SFPQ: variants seen among roughly 807,000 people sequenced by gnomAD.
SFPQ encodes splicing factor, proline- and glutamine-rich.
A neutral mutation model predicts 72.9 loss-of-function variants in SFPQ; 11 were observed. The observed-to-expected ratio is 0.15, with a 90% CI of 0.09 to 0.25. The LOEUF (loss-of-function observed/expected upper bound fraction) is 0.25, where lower values mean the gene tolerates loss of function less well. Ranked by LOEUF, SFPQ falls within the 10% of genes least tolerant of loss-of-function variation. The pLI is 1.00. For synonymous variants in SFPQ, 506 were observed against 367.3 expected, an observed-to-expected ratio of 1.38 and a Z score of -4.32; for missense variants, 847 against 993.3, an observed-to-expected ratio of 0.85 and a Z score of 1.98.
chr1:35,187,093 G>T lies in SFPQ; in HGVS notation c.1894C>A (p.Pro632Thr), dbSNP rs1557799163. 1.9e-6 allele frequency: 3 copies of T among 1,613,804 alleles called. No homozygotes were observed. The highest frequency in any genetic ancestry group is 2.5e-6 in the Non-Finnish European group (3 of 1,179,910). Residue 632 changes from proline (P) to threonine (T), a missense_variant, in exon 9 of 10, where the codon CCA becomes ACA. Physicochemically the swap from Pro to Thr is conservative, Grantham distance 38. Coordinates refer to ENST00000357214, the MANE Select transcript of SFPQ (RefSeq NM_005066.3). ...DPYGSGGQKF[P>T]PLGGGGGIGY... ...ATGCCACCACCACCTCCTAGAGGTG[G>T]AAATTTCTGGCCTCCTGAACCATAG...
chr1:35,178,118 T>C (rs1289233828), downstream of SFPQ: 7 of 1,171,246 alleles, frequency 6.0e-6, no homozygotes, highest in Non-Finnish European at 4.3e-6. Context: ...CTTCAAAATT[T>C]AAAGAGTAAA....
At chr1:35,185,307 T>C (rs1395954152) in intron 9 of SFPQ, among the ~76,000 whole-genome samples, 2 of 152,210 alleles carry the variant, frequency 1.3e-5, no homozygotes, top group Non-Finnish European at 2.9e-5. Flanking sequence ...TCAGTACTAT[T>C]CTATATTGTT....
intron 1 of SFPQ, 75 bp downstream of exon 1, chr1:35,192,147 A>G: frequency 4.2e-6 from 5 of 1,187,858 alleles, no homozygotes; most frequent in Non-Finnish European, 5.3e-6. Flanking sequence ...ATGGAAGCCC[A>G]GCGCGGGGGC....
At chr1:35,179,467 C>G (rs996101205), downstream of SFPQ, 18 of 1,055,544 alleles carry the variant, frequency 1.7e-5, no homozygotes, top group Non-Finnish European at 1.7e-5. Context: ...CAAGACTGTT[C>G]TCATTAAAAA....
intron 7 of SFPQ, 124 bp from the exon 8 acceptor site, chr1:35,187,375 T>TTA (rs1408191708): frequency 1.1e-6 from 1 of 922,876 alleles, no homozygotes; most frequent in Non-Finnish European, 1.7e-6. Flanking sequence ...ATCATGTGAA[T>TTA]TATTTTTGAA....
chr1:35,187,556 C>A (rs908524443), intron 7 of SFPQ, among the ~76,000 whole-genome samples: 1 of 152,116 alleles, frequency 6.6e-6, no homozygotes, highest in Non-Finnish European at 1.5e-5. Context: ...CAAGGCGAAA[C>A]GCCATTTCTA....
chr1:35,193,068 G>C lies in SFPQ; in HGVS notation c.-19C>G. On this transcript the variant is annotated 5_prime_UTR_variant, in exon 1 of 10. Transcript: ENST00000357214. Reference sequence around the variant, plus strand: ...GAGACATGTCTGTGGTCAAGGGGCGGTCGAGGCAAAAGCGAAGAAGACGCT... The same window carrying C: ...GAGACATGTCTGTGGTCAAGGGGCGCTCGAGGCAAAAGCGAAGAAGACGCT... 6.5e-7 allele frequency: 1 copy of C among 1,537,138 alleles called. No homozygotes were observed. The highest frequency in any genetic ancestry group is 8.7e-7 in the Non-Finnish European group (1 of 1,152,688).
At chr1:35,179,564 TTGAG>T, downstream of SFPQ, 2 of 1,052,988 alleles carry the variant, frequency 1.9e-6, no homozygotes, top group Non-Finnish European at 2.3e-6. Context: ...TCCCAGCTTT[TTGAG>T]TTTTTTAAAA....
intron 4 of SFPQ, 43 bp downstream of exon 4, chr1:35,190,455 A>C (rs766891002): frequency 7.4e-7 from 1 of 1,358,430 alleles, no homozygotes; most frequent in South Asian, 1.2e-5. Context: ...TTTAACCTTT[A>C]CACTTGATTT....
downstream of SFPQ, chr1:35,179,184 G>C: frequency 9.4e-7 from 1 of 1,060,802 alleles, no homozygotes; most frequent in East Asian, 5.1e-5. Context: ...ATCATTAAGT[G>C]AAAGGCAGTA....
chr1:35,176,545 T>C (rs1048026153), intron 5 of SFPQ: 10 of 152,080 alleles, frequency 6.6e-5, no homozygotes, highest in African/African-American at 2.4e-4. Context: ...CATAACATTA[T>C]ATAACTGTCA....
downstream of SFPQ, chr1:35,180,614 T>C: frequency 9.5e-7 from 1 of 1,049,684 alleles, no homozygotes; most frequent in Non-Finnish European, 1.2e-6. Flanking sequence ...GAAGCCCATG[T>C]TTTTAAAAAT....
At chr1:35,176,584 A>C (rs933707770) in intron 5 of SFPQ, 4 of 152,204 alleles carry the variant, frequency 2.6e-5, no homozygotes, top group Admixed American at 6.5e-5. Flanking sequence ...AAATCTTATT[A>C]ATCGGCCTGG....
At position 35,193,085 on chromosome 1, in the gene SFPQ, G is replaced by C. The variant is rs1307345019; in HGVS notation, c.-36C>G. The stretch of plus-strand genomic sequence containing the variant: ...AAGGGGCGGTCGAGGCAAAAGCGAA[G>C]AAGACGCTCAGGAAACGTGGAGGCC... On this transcript the variant is annotated 5_prime_UTR_variant, in exon 1 of 10. Transcript: ENST00000357214. 1 of 1,514,608 alleles carries C rather than the reference G, an allele frequency of 6.6e-7. No individual in the cohort carries two copies. The highest frequency in any genetic ancestry group is 8.8e-7 in the Non-Finnish European group (1 of 1,142,208). 93.8% of individuals were successfully genotyped at this position (1,514,608 alleles called of 1,614,324 possible).
chr1:35,180,994 C>T, downstream of SFPQ: 21 of 1,065,168 alleles, frequency 2.0e-5, no homozygotes, highest in Non-Finnish European at 2.4e-5. Context: ...CACACCCACA[C>T]AGTTTTGATG....
Position 35,190,779 on chromosome 1 carries a change from C to T in SFPQ, c.1234G>A (p.Gly412Arg). The T allele has an allele frequency of 6.2e-7, 1 of 1,614,204 alleles. No individual in the cohort carries two copies. The highest frequency in any genetic ancestry group is 8.5e-7 in the Non-Finnish European group (1 of 1,180,034). The change falls in exon 3 of 10, where the codon GGG becomes AGG. Residue 412 changes from glycine (G) to arginine (R), a missense_variant. Coordinates refer to ENST00000357214, the MANE Select transcript of SFPQ (RefSeq NM_005066.3). Reference protein sequence around the residue: ...VIVDDRGRSTGKGIVEFASKP... With the variant: ...VIVDDRGRSTRKGIVEFASKP... Reference sequence around the variant, plus strand: ...GAAGCAAATTCAACAATGCCTTTCCCTGTAGATCTTCCACGATCATCCACT... The same window carrying T: ...GAAGCAAATTCAACAATGCCTTTCCTTGTAGATCTTCCACGATCATCCACT...
Position 35,192,817 on chromosome 1 carries a change from G to T in SFPQ, c.233C>A (p.Pro78Gln), listed in dbSNP as rs1477024160. Residue 78 changes from proline (P) to glutamine (Q), a missense_variant, in exon 1 of 10, where the codon CCG becomes CAG. Transcript: ENST00000357214. ...CTGATGCGGTGGCGGCTGCTGCGGC[G>T]GTGGCTGCTGCGGTGGTGGCTGTTG... ...QQQQPPPQQPPPQQPPPHQPP... is the reference protein window; with the variant it reads ...QQQQPPPQQPQPQQPPPHQPP... 6.6e-7 allele frequency: 1 copy of T among 1,506,348 alleles called. No individual in the cohort carries two copies. Among genetic ancestry groups the T allele is most frequent in the Non-Finnish European group, 8.8e-7 (1 of 1,134,424 alleles). 93.3% of individuals were successfully genotyped at this position (1,506,348 alleles called of 1,614,324 possible). A position where few individuals can be genotyped will look rare whatever the true frequency, so the allele number is the denominator to read the frequency against.
chr1:35,180,056 T>C (rs1639402892), downstream of SFPQ: 2 of 1,053,506 alleles, frequency 1.9e-6, no homozygotes, highest in Non-Finnish European at 2.3e-6. Flanking sequence ...CATGTTAAAG[T>C]ACAAGTCTGT....
Position 35,183,947 on chromosome 1 carries a change from C to A in SFPQ, c.*509G>T, listed in dbSNP as rs982730674. 1 of 1,050,992 alleles carries A rather than the reference C, an allele frequency of 9.5e-7. No individual in the cohort carries two copies. The highest frequency in any genetic ancestry group is 1.1e-6 in the Non-Finnish European group (1 of 870,130). The allele number at this position is 1,050,992 out of a possible 1,614,324, so 65.1% of individuals were successfully genotyped here. Reference sequence around the variant, plus strand: ...CATCAAACTACTTCAATATGCATTTCTTCTTTTTAAAACAAAGGGGGCAAT... The same window carrying A: ...CATCAAACTACTTCAATATGCATTTATTCTTTTTAAAACAAAGGGGGCAAT... On this transcript the variant is annotated 3_prime_UTR_variant, in exon 10 of 10. Transcript: ENST00000357214.
Sources: allele counts gnomAD v4.1 joint callset (sites outside exome capture counted in the v4.1 genomes callset), GRCh38; gene constraint gnomAD v4.1.1; transcripts MANE v1.5; gene names NCBI Gene and HGNC (gene_info 2026-07-23, HGNC 2026-07-21).